The following EML4 variants were observed in gnomAD, a reference collection of about 807,000 sequenced individuals.
The protein encoded by EML4 is EMAP like 4.
EML4 carries 72 observed loss-of-function variants against 129.0 expected under a neutral mutation model. That is an observed-to-expected ratio of 0.56 (90% CI 0.46 to 0.68). The LOEUF (loss-of-function observed/expected upper bound fraction) is 0.68. EML4 is among the 30% of genes least tolerant of loss of function. The pLI is 0.00. For synonymous variants in EML4, 532 were observed against 405.0 expected (o/e 1.31, Z -3.77); for missense variants, 1,363 against 1,190.6 (o/e 1.14, Z -2.13).
intron 21 of EML4, among the ~76,000 whole-genome samples, chr2:42,327,404 T>C (rs1467163507): frequency 6.6e-6 from 1 of 152,236 alleles, no homozygotes; most frequent in Admixed American, 6.5e-5. Flanking sequence ...ATGTTTACTC[T>C]TTTGAGCAAC....
intron 13 of EML4, among the ~76,000 whole-genome samples, chr2:42,300,898 G>T (rs1668248402): frequency 6.6e-6 from 1 of 151,996 alleles, no homozygotes; most frequent in Non-Finnish European, 1.5e-5. Context: ...ACCTACCCTA[G>T]CTACCATACA....
rs1010128318 is a variant in EML4 at position 42,328,783 on chromosome 2, T to C, written c.2342-103T>C. 22 of 914,856 alleles carry C rather than the reference T, an allele frequency of 2.4e-5. No individual in the cohort carries two copies. In the African/African-American group the frequency reaches 2.5e-4, roughly 10 times the overall value. The allele number at this position is 914,856 out of a possible 1,614,324, so 56.7% of individuals were successfully genotyped here. A position where few individuals can be genotyped will look rare whatever the true frequency, so the allele number is the denominator to read the frequency against. On this transcript the variant is annotated intron_variant, in intron 21 of 22. Coordinates refer to ENST00000318522, the MANE Select transcript of EML4 (RefSeq NM_019063.5). ...ATGTTAACAGCTAAGAGTTTGAACATAGATAAAAGCTAAACAGATTCTAAA... is the reference window on the plus strand; with the variant it reads ...ATGTTAACAGCTAAGAGTTTGAACACAGATAAAAGCTAAACAGATTCTAAA...
intron 1 of EML4, among the ~76,000 whole-genome samples, chr2:42,229,645 G>T (rs958327767): frequency 6.6e-6 from 1 of 151,992 alleles, no homozygotes; most frequent in African/African-American, 2.4e-5. Context: ...AATCAGGGAG[G>T]GAAGTAAAGT....
chr2:42,237,067 T>A (rs1674725547), intron 1 of EML4, among the ~76,000 whole-genome samples: 1 of 152,154 alleles, frequency 6.6e-6, no homozygotes, highest in East Asian at 1.9e-4. Flanking sequence ...GCCTCCTAAG[T>A]AGCTGGGACT....
At chr2:42,241,155 A>G (rs932919732) in intron 1 of EML4, among the ~76,000 whole-genome samples, 23 of 146,704 alleles carry the variant, frequency 1.6e-4, no homozygotes, top group African/African-American at 5.3e-4. Flanking sequence ...AGTCTCAAAG[A>G]AAAAAAAAAA....
In EML4 at chr2:42,269,159, A is replaced by G. The variant is rs140531130; in HGVS notation, c.667+4428A>G. On this transcript the variant is annotated intron_variant, in intron 6 of 22. Transcript: ENST00000318522. ...TTGACTGTTAGCTACCTGTCCAAAA[A>G]TGGCTTCAGATTAAAAATACTTGAA... 6.3e-3 allele frequency among the ~76,000 whole-genome samples: 952 copies of G among 152,320 alleles called. 12 individuals carry two copies. Among genetic ancestry groups the G allele is most frequent in the African/African-American group, 0.022 (903 of 41,552 alleles).
chr2:42,227,240 T>G (rs892613192), intron 1 of EML4, among the ~76,000 whole-genome samples: 1 of 152,072 alleles, frequency 6.6e-6, no homozygotes, highest in Non-Finnish European at 1.5e-5. Context: ...CCCCACAGCC[T>G]GCCCCAAGTA....
chr2:42,323,947 TA>T (rs1228678359), intron 19 of EML4, among the ~76,000 whole-genome samples: 19 of 131,246 alleles, frequency 1.4e-4, no homozygotes, highest in Non-Finnish European at 1.5e-4. Flanking sequence ...CTGTCTCAAT[TA>T]AAAAAAAAAG....
intron 1 of EML4, among the ~76,000 whole-genome samples, chr2:42,216,427 G>C (rs536008402): frequency 6.6e-5 from 10 of 151,642 alleles, no homozygotes; most frequent in South Asian, 2.1e-4. Context: ...GTTTTTAGTA[G>C]AGACGGGGTT....
At chr2:42,245,747 G>T in intron 2 of EML4, 60 bp downstream of exon 2, 11 of 1,456,204 alleles carry the variant, frequency 7.6e-6, no homozygotes, top group Non-Finnish European at 1.0e-5. Flanking sequence ...TTTGAAAGTT[G>T]AAGCTGGAAA....
At chr2:42,229,535 C>T (rs1164444805) in intron 1 of EML4, among the ~76,000 whole-genome samples, 1 of 151,994 alleles carries the variant, frequency 6.6e-6, no homozygotes, top group African/African-American at 2.4e-5. Context: ...AGATAACTGT[C>T]TTGCAAGAGT....
chr2:42,293,303 A>G (rs565991047), intron 11 of EML4, among the ~76,000 whole-genome samples: 12 of 152,044 alleles, frequency 7.9e-5, no homozygotes, highest in Middle Eastern at 3.4e-3. Flanking sequence ...AGGTCTCACT[A>G]TGTTGCACAG....
At chr2:42,196,911 G>C (rs1671927237) in intron 1 of EML4, among the ~76,000 whole-genome samples, 1 of 152,068 alleles carries the variant, frequency 6.6e-6, no homozygotes, top group African/African-American at 2.4e-5. Flanking sequence ...TCTTTATAAT[G>C]GGAGATTAGT....
intron 1 of EML4, among the ~76,000 whole-genome samples, chr2:42,172,241 A>G (rs1670325873): frequency 6.6e-6 from 1 of 152,186 alleles, no homozygotes; most frequent in Admixed American, 6.5e-5. Flanking sequence ...TAAACAGAAT[A>G]ATTTTAGAGA....
intron 1 of EML4, among the ~76,000 whole-genome samples, chr2:42,244,719 C>T (rs569585243): frequency 6.6e-6 from 1 of 152,152 alleles, no homozygotes; most frequent in South Asian, 2.1e-4. Context: ...AAGATGCTTC[C>T]TCATCATTGT....
chr2:42,181,262 A>G (rs189004525), intron 1 of EML4, among the ~76,000 whole-genome samples: 1 of 152,210 alleles, frequency 6.6e-6, no homozygotes, highest in Admixed American at 6.5e-5. Context: ...TTATTGGTTT[A>G]TATCTGTATG....
chr2:42,234,638 C>G (rs183430818), intron 1 of EML4, among the ~76,000 whole-genome samples: 2 of 152,264 alleles, frequency 1.3e-5, no homozygotes, highest in East Asian at 1.9e-4. Flanking sequence ...GTATAAAGTA[C>G]TTAAAACTAC....
intron 17 of EML4, among the ~76,000 whole-genome samples, chr2:42,308,590 T>G (rs1341565834): frequency 6.6e-6 from 1 of 152,110 alleles, no homozygotes; most frequent in African/African-American, 2.4e-5. Context: ...AAAAAAGAAA[T>G]AAAAAATAAT....
chr2:42,178,840 G>C (rs1670768816), intron 1 of EML4, among the ~76,000 whole-genome samples: 1 of 152,136 alleles, frequency 6.6e-6, no homozygotes, highest in African/African-American at 2.4e-5. Context: ...TTACACCTAA[G>C]GGATCTGGGA....
Sources: gnomAD v4.1 joint callset for allele counts (sites outside exome capture counted in the v4.1 genomes callset) on GRCh38, gnomAD v4.1.1 for gene constraint, MANE v1.5 for transcripts, NCBI Gene and HGNC (gene_info 2026-07-23, HGNC 2026-07-21) for gene names.